VPS13B: variants seen among roughly 807,000 people sequenced by gnomAD.
VPS13B encodes the protein intermembrane lipid transfer protein VPS13B.
VPS13B carries 285 observed loss-of-function variants against 426.4 expected under a neutral mutation model. The observed-to-expected ratio is 0.67, with a 90% CI of 0.61 to 0.74. VPS13B has a LOEUF of 0.74. Ranked by LOEUF, VPS13B falls within the 30% of genes least tolerant of loss-of-function variation. VPS13B has a pLI of 0.00. For missense variants in VPS13B, 4,537 were observed against 4,782.6 expected (o/e 0.95, Z 1.51); for synonymous variants, 1,676 against 1,676.4 (o/e 1.00, Z 0.01).
intron 27 of VPS13B, among the ~76,000 whole-genome samples, chr8:99,505,922 T>C (rs1502132): frequency 0.17 from 26,564 of 152,242 alleles, 2,845 homozygotes; most frequent in East Asian, 0.39. Flanking sequence ...GTATGGAGTA[T>C]AATAAAATTT....
At chr8:99,657,470 T>TTG (rs34355540) in intron 34 of VPS13B, among the ~76,000 whole-genome samples, 6 of 147,008 alleles carry the variant, frequency 4.1e-5, no homozygotes, top group South Asian at 2.2e-4. Context: ...ACTTTAAAAA[T>TTG]TGTGTGTGTG....
chr8:99,232,865 C>G lies in VPS13B; in HGVS notation c.2515+39808C>G, dbSNP rs117968073. On this transcript the variant is annotated intron_variant, in intron 17 of 61. Coordinates refer to ENST00000357162, the MANE Select transcript of VPS13B (RefSeq NM_152564.5). ...TTCTGGCAAACCTGGCTGACCTTCCCCCGCCTCCTTGGCCCCTGGGATTCT... is the reference window on the plus strand; with the variant it reads ...TTCTGGCAAACCTGGCTGACCTTCCGCCGCCTCCTTGGCCCCTGGGATTCT... 6.9e-3 allele frequency among the ~76,000 whole-genome samples: 1,052 copies of G among 152,220 alleles called. 7 individuals are homozygous for G. The highest frequency in any genetic ancestry group is 9.8e-3 in the Non-Finnish European group (669 of 67,998).
intron 4 of VPS13B, among the ~76,000 whole-genome samples, chr8:99,100,031 T>C (rs566256726): frequency 2.2e-4 from 33 of 152,008 alleles, no homozygotes; most frequent in African/African-American, 7.7e-4. Flanking sequence ...AAGTATGGAG[T>C]GATGAGAGCT....
intron 30 of VPS13B, among the ~76,000 whole-genome samples, chr8:99,521,957 T>C (rs545022760): frequency 6.6e-6 from 1 of 152,292 alleles, no homozygotes; most frequent in African/African-American, 2.4e-5. Context: ...TTTTTTTAGG[T>C]ATTTAATAGT....
chr8:99,052,997 G>A (rs1027789594), intron 3 of VPS13B, among the ~76,000 whole-genome samples: 1 of 151,910 alleles, frequency 6.6e-6, no homozygotes, highest in Non-Finnish European at 1.5e-5. Flanking sequence ...TGGATTCATT[G>A]ATTTTTTGAA....
intron 19 of VPS13B, among the ~76,000 whole-genome samples, chr8:99,285,706 C>CT (rs1819398624): frequency 6.6e-6 from 1 of 152,062 alleles, no homozygotes; most frequent in South Asian, 2.1e-4. Context: ...TTGAAGTTGG[C>CT]TGTATAGTAG....
chr8:99,875,581 AC>A lies in VPS13B; in HGVS notation c.11911del (p.Leu3971TrpfsTer17). The A allele has an allele frequency of 6.2e-7, 1 of 1,614,128 alleles. No individual in the cohort carries two copies. Among genetic ancestry groups the A allele is most frequent in the Non-Finnish European group, 8.5e-7 (1 of 1,180,026 alleles). ...PPPSTVKTYH[Y>X]LVDPHFAQVF... The stretch of plus-strand genomic sequence containing the variant: ...CCCTCCACTGTTAAAACATACCATT[AC>A]CTGGTTGATCCACATTTTGCTCAGG... On this transcript the variant is annotated frameshift_variant, in exon 62 of 62. Coordinates refer to ENST00000357162, the MANE Select transcript of VPS13B (RefSeq NM_152564.5). LOFTEE classifies it high-confidence loss of function.
In VPS13B at chr8:99,696,431, C is replaced by T. The variant is rs1832005428; in HGVS notation, c.6047-3094C>T. The T allele has an allele frequency of 3.6e-5, 13 of 360,680 alleles. 1 individual carries two copies. The highest frequency in any genetic ancestry group is 3.1e-4 in the South Asian group (13 of 42,282). The allele number at this position is 360,680 out of a possible 1,614,324, so 22.3% of individuals were successfully genotyped here. On this transcript the variant is annotated intron_variant, in intron 35 of 61. Transcript: ENST00000357162. Reference sequence around the variant, plus strand: ...CTGTGGCACATCCTTGACAGCCACACCCTGACCAGGCAAAGCGCAGGCAGT... The same window carrying T: ...CTGTGGCACATCCTTGACAGCCACATCCTGACCAGGCAAAGCGCAGGCAGT...
chr8:99,274,457 T>G (rs1818789741), intron 18 of VPS13B, 125 bp downstream of exon 18: 1 of 1,477,960 alleles, frequency 6.8e-7, no homozygotes, highest in Admixed American at 1.9e-5. Flanking sequence ...GTTTTAAATT[T>G]TTACTTAGAA....
chr8:99,086,105 A>G (rs1018145909), intron 3 of VPS13B, among the ~76,000 whole-genome samples: 12 of 152,176 alleles, frequency 7.9e-5, no homozygotes, highest in African/African-American at 2.7e-4. Flanking sequence ...CCAGTGAGAC[A>G]TAGATTTGGT....
At chr8:99,087,543 A>G (rs7464742) in intron 3 of VPS13B, among the ~76,000 whole-genome samples, 111,126 of 151,476 alleles carry the variant, frequency 0.73, 41,344 homozygotes, top group South Asian at 0.86. Context: ...TGTCTTCTGC[A>G]TCGCTCATGT....
At chr8:99,215,524 A>G (rs1815339826) in intron 17 of VPS13B, among the ~76,000 whole-genome samples, 1 of 152,210 alleles carries the variant, frequency 6.6e-6, no homozygotes, top group African/African-American at 2.4e-5. Context: ...TAGTAAGGAT[A>G]CATACTTGGG....
At chr8:99,252,068 T>A (rs1380035785) in intron 17 of VPS13B, among the ~76,000 whole-genome samples, 1 of 151,616 alleles carries the variant, frequency 6.6e-6, no homozygotes, top group African/African-American at 2.4e-5. Flanking sequence ...AAAATATAAA[T>A]TTTGTTGATT....
At chr8:99,182,900 C>G (rs1298321973) in intron 16 of VPS13B, among the ~76,000 whole-genome samples, 1 of 152,114 alleles carries the variant, frequency 6.6e-6, no homozygotes, top group Admixed American at 6.5e-5. Flanking sequence ...CCATGTCTGG[C>G]TAATTTTTGT....
chr8:99,742,742 A>T (rs924247485), intron 39 of VPS13B, among the ~76,000 whole-genome samples: 1 of 152,248 alleles, frequency 6.6e-6, no homozygotes, highest in African/African-American at 2.4e-5. Context: ...TTATCTCAAT[A>T]GATGCAGAAA....
chr8:99,206,595 A>C (rs1038404322), intron 17 of VPS13B, among the ~76,000 whole-genome samples: 1 of 152,172 alleles, frequency 6.6e-6, no homozygotes. Flanking sequence ...TCTCTTGTGG[A>C]GTGAAGTCAA....
Position 99,417,404 on chromosome 8 carries a change from T to C in VPS13B, c.3083-14133T>C, listed in dbSNP as rs1211875302. Among the ~76,000 whole-genome samples, 4 of 152,190 alleles carry C rather than the reference T, an allele frequency of 2.6e-5. No homozygotes were observed. In the East Asian group the frequency reaches 7.7e-4, roughly 29 times the overall value. ...TCTTAATGAATCTTAGTTCTGAGTA[T>C]AAAATATTGGAAAACAGTGACAGCC... On this transcript the variant is annotated intron_variant, in intron 21 of 61. Coordinates refer to ENST00000357162, the MANE Select transcript of VPS13B (RefSeq NM_152564.5).
chr8:99,503,655 C>T (rs932120033), intron 27 of VPS13B, among the ~76,000 whole-genome samples: 4 of 152,196 alleles, frequency 2.6e-5, no homozygotes, highest in Non-Finnish European at 5.9e-5. Context: ...TTTCTTTGCT[C>T]ATTCATAAGA....
chr8:99,585,846 A>C (rs1338014456), intron 33 of VPS13B, among the ~76,000 whole-genome samples: 1 of 152,230 alleles, frequency 6.6e-6, no homozygotes, highest in Non-Finnish European at 1.5e-5. Context: ...AATTTCACCC[A>C]GTATGCTTCC....
Sources: allele counts gnomAD v4.1 joint callset (sites outside exome capture counted in the v4.1 genomes callset), GRCh38; gene constraint gnomAD v4.1.1; transcripts MANE v1.5; gene names NCBI Gene and HGNC (gene_info 2026-07-23, HGNC 2026-07-21).